FBXO43: variants seen among roughly 807,000 people sequenced by gnomAD.
FBXO43 encodes the protein F-box only protein 43.
In FBXO43, 22 loss-of-function variants were observed where a neutral mutation model predicts 56.7. The ratio of observed to expected loss-of-function variants is 0.39; its 90% CI spans 0.28 to 0.55. The LOEUF is 0.55. FBXO43 is among the 20% of genes least tolerant of loss of function. FBXO43 has a pLI of 0.66. For missense variants in FBXO43, 733 were observed against 814.9 expected (o/e 0.90, Z 1.22); for synonymous variants, 306 against 294.5 (o/e 1.04, Z -0.40).
intron 1 of FBXO43, among the ~76,000 whole-genome samples, chr8:100,143,874 C>T (rs1040699701): frequency 6.6e-6 from 1 of 152,204 alleles, no homozygotes; most frequent in South Asian, 2.1e-4. Flanking sequence ...CGGGTTCAAC[C>T]AATTTTCCTG....
Position 100,141,078 on chromosome 8 carries a change from C to T in FBXO43, c.1176G>A (p.Ser392=), listed in dbSNP as rs777682881. 14 of 1,614,016 alleles carry T rather than the reference C, an allele frequency of 8.7e-6. No individual in the cohort carries two copies. The highest frequency in any genetic ancestry group is 6.7e-5 in the East Asian group (3 of 44,904). ...GCTTTTCCTCTTCTGTCTCTGACTGCGAGCTTTGTTCCCGAAGGGTGGACA... is the reference window on the plus strand; with the variant it reads ...GCTTTTCCTCTTCTGTCTCTGACTGTGAGCTTTGTTCCCGAAGGGTGGACA... ...RRLSTLREQS[S]QSETEEEKQI... The change falls in exon 2 of 5, where the codon TCG becomes TCA. Residue 392 remains serine (S), a synonymous_variant. Transcript: ENST00000428847.
chr8:100,149,538 T>C (rs1814883482), upstream of FBXO43, among the ~76,000 whole-genome samples: 1 of 152,202 alleles, frequency 6.6e-6, no homozygotes, highest in Admixed American at 6.5e-5. Context: ...TGTTAGCCTG[T>C]CTGTGAAGAA....
At chr8:100,137,718 A>G in intron 2 of FBXO43, 51 bp from the exon 3 acceptor site, 1 of 1,328,308 alleles carries the variant, frequency 7.5e-7, no homozygotes, top group Non-Finnish European at 1.1e-6. Context: ...TAGGATTAAC[A>G]TTTTGTTGTA....
At chr8:100,148,662 C>T (rs959751375), upstream of FBXO43, among the ~76,000 whole-genome samples, 3 of 152,236 alleles carry the variant, frequency 2.0e-5, no homozygotes, top group African/African-American at 7.2e-5. Flanking sequence ...ATCTGCCCGC[C>T]TCAGCCTCCC....
Position 100,142,052 on chromosome 8 carries a change from A to G in FBXO43, c.202T>C (p.Cys68Arg). 6.2e-7 allele frequency: 1 copy of G among 1,613,914 alleles called. No individual in the cohort carries two copies. Among genetic ancestry groups the G allele is most frequent in the South Asian group, 1.1e-5 (1 of 91,042 alleles). ...NSKYSTFRDF[C>R]STSSFQDSGY... ...CTATCTTGAAATGAAGATGTGGAAC[A>G]AAAATCTCTGAAGGTGGAGTACTTG... Residue 68 changes from cysteine (C) to arginine (R), a missense_variant, in exon 2 of 5, where the codon TGT (cysteine) becomes CGT (arginine). By Grantham distance (180) the Cys-to-Arg change is radical. Transcript: ENST00000428847.
In FBXO43 at chr8:100,141,314, C is replaced by A. The variant is rs758203135; in HGVS notation, c.940G>T (p.Ala314Ser). ...GGTGAAGGAGAAAGTATTTGACTTG[C>A]GTTAAATCTAATGTTTGCCACAAGA... Reference protein sequence around the residue: ...SNLVANIRFNASQILSPSPEV... With the variant: ...SNLVANIRFNSSQILSPSPEV... The change falls in exon 2 of 5, where the codon GCA (alanine) becomes TCA (serine). Residue 314 changes from alanine (A) to serine (S), a missense_variant. Transcript: ENST00000428847. 3 of 1,613,918 alleles carry A rather than the reference C, an allele frequency of 1.9e-6. No homozygotes were observed. The highest frequency in any genetic ancestry group is 1.6e-4 in the Middle Eastern group (1 of 6,062).
At position 100,138,099 on chromosome 8, in the gene FBXO43, C is replaced by T. The variant is rs910492640; in HGVS notation, c.1572-432G>A. On this transcript the variant is annotated intron_variant, in intron 2 of 4. Coordinates refer to ENST00000428847, the MANE Select transcript of FBXO43 (RefSeq NM_001029860.4). ...TTACATAAACACAAGCACAATTAAT[C>T]CTTCATTGGCATTACTAAGTGCCAA... 1.6e-4 allele frequency among the ~76,000 whole-genome samples: 24 copies of T among 152,162 alleles called. 1 individual carries two copies. The highest frequency in any genetic ancestry group is 9.2e-4 in the Admixed American group (14 of 15,280).
In FBXO43 at chr8:100,141,039, A is replaced by T. The variant is rs1814627571; in HGVS notation, c.1215T>A (p.Pro405=). ...ETEEEKQIVH[P]DSEKRAAAAS... ...CAGCTGCTGCTCTTTTTTCAGAGTC[A>T]GGGTGGACAATCTGCTTTTCCTCTT... Residue 405 remains proline (P), a synonymous_variant, in exon 2 of 5, where the codon CCT becomes CCA. Transcript: ENST00000428847. 6.2e-7 allele frequency: 1 copy of T among 1,614,238 alleles called. No individual in the cohort carries two copies. The highest frequency in any genetic ancestry group is 8.5e-7 in the Non-Finnish European group (1 of 1,180,048).
upstream of FBXO43, among the ~76,000 whole-genome samples, chr8:100,147,176 G>T (rs73276989): frequency 2.0e-5 from 3 of 150,768 alleles, no homozygotes; most frequent in Admixed American, 6.5e-5. Flanking sequence ...CCAACTATGT[G>T]CCAATTACTG....
chr8:100,141,623 A>G lies in FBXO43; in HGVS notation c.631T>C (p.Leu211=). 2 of 1,613,130 alleles carry G rather than the reference A, an allele frequency of 1.2e-6. No individual in the cohort carries two copies. The highest frequency in any genetic ancestry group is 1.7e-6 in the Non-Finnish European group (2 of 1,179,900). The part of the protein sequence containing the change: ...NNFSPLVTST[L]KTEEVTSCSQ... The stretch of plus-strand genomic sequence containing the variant: ...CATGAAGTCACTTCTTCTGTTTTTA[A>G]AGTGCTAGTAACTAAAGGGCTAAAA... The change falls in exon 2 of 5, where the codon TTA becomes CTA. Residue 211 remains leucine, a synonymous_variant. Transcript: ENST00000428847.
intron 3 of FBXO43, among the ~76,000 whole-genome samples, chr8:100,135,943 A>G (rs1563751159): frequency 7.1e-6 from 1 of 141,154 alleles, no homozygotes; most frequent in Non-Finnish European, 1.5e-5. Context: ...TTTTTTTTTG[A>G]GAATAGAACA....
At chr8:100,149,604 A>G (rs922745068), upstream of FBXO43, among the ~76,000 whole-genome samples, 1 of 152,230 alleles carries the variant, frequency 6.6e-6, no homozygotes, top group Admixed American at 6.5e-5. Flanking sequence ...ATCTTCCTGG[A>G]AAGATCAACT....
In FBXO43 at chr8:100,133,668, G is replaced by T; in HGVS notation, c.*134C>A. On this transcript the variant is annotated 3_prime_UTR_variant, in exon 5 of 5. Transcript: ENST00000428847. ...TTTAAAGAAAACATACAATGACATC[G>T]ATTATAATATATACAAAATAGGAAA... The T allele has an allele frequency of 2.0e-6, 2 of 1,018,688 alleles. No individual in the cohort carries two copies. The highest frequency in any genetic ancestry group is 2.7e-6 in the Non-Finnish European group (2 of 732,586). The allele number at this position is 1,018,688 out of a possible 1,614,324, so 63.1% of individuals were successfully genotyped here. A position where few individuals can be genotyped will look rare whatever the true frequency, so the allele number is the denominator to read the frequency against.
rs777723349 is a variant in FBXO43, at chr8:100,141,128, TTGTC to T, written c.1122_1125del (p.Thr375AspfsTer47). ...AGTCTTCTCGACCTTCCAAGATGTC[TTGTC>T]TTTCTTATGGTGTCCCCAACTTTGG... On this transcript the variant is annotated frameshift_variant, in exon 2 of 5. Coordinates refer to ENST00000428847, the MANE Select transcript of FBXO43 (RefSeq NM_001029860.4). LOFTEE classifies it high-confidence loss of function. The T allele has an allele frequency of 6.2e-7, 1 of 1,614,230 alleles. No homozygotes were observed.
intron 1 of FBXO43, 31 bp from the exon 2 acceptor site, chr8:100,142,199 T>C: frequency 6.6e-7 from 1 of 1,507,070 alleles, no homozygotes; most frequent in Non-Finnish European, 8.8e-7. Flanking sequence ...TATTCTGCCT[T>C]TGAAATGAGT....
chr8:100,140,295 C>A (rs1814595833), intron 2 of FBXO43, among the ~76,000 whole-genome samples: 1 of 152,038 alleles, frequency 6.6e-6, no homozygotes, highest in South Asian at 2.1e-4. Context: ...ACGGTGAAAC[C>A]CCGTCTCTAC....
chr8:100,144,035 A>G (rs1814741119), intron 1 of FBXO43, among the ~76,000 whole-genome samples: 2 of 152,318 alleles, frequency 1.3e-5, no homozygotes, highest in East Asian at 1.9e-4. Flanking sequence ...GGCCTCCCAA[A>G]GTGCTGGGAT....
chr8:100,144,986 A>G (rs187419780), intron 1 of FBXO43, 65 bp downstream of exon 1: 159 of 1,507,258 alleles, frequency 1.1e-4, no homozygotes, highest in Admixed American at 3.2e-4. Context: ...CACCTACCAC[A>G]TCAGAGAATG....
At chr8:100,149,025 T>C (rs1814875720), upstream of FBXO43, among the ~76,000 whole-genome samples, 1 of 152,172 alleles carries the variant, frequency 6.6e-6, no homozygotes, top group South Asian at 2.1e-4. Context: ...AGCAATGCAA[T>C]GATGTCTGGC....
Sources: gnomAD v4.1 joint callset for allele counts (sites outside exome capture counted in the v4.1 genomes callset) on GRCh38, gnomAD v4.1.1 for gene constraint, MANE v1.5 for transcripts, NCBI Gene and HGNC (gene_info 2026-07-23, HGNC 2026-07-21) for gene names.